The following CLCA2 variants were observed in gnomAD, a reference collection of about 807,000 sequenced individuals.
CLCA2 encodes the protein chloride channel accessory 2.
CLCA2 carries 85 observed loss-of-function variants against 82.9 expected under a neutral mutation model. That is an observed-to-expected ratio of 1.03 (90% CI 0.86 to 1.23). CLCA2 has a LOEUF of 1.23. CLCA2 is among the 50% of genes most tolerant of loss of function. The pLI is 0.00. For synonymous variants in CLCA2, 421 were observed against 391.7 expected (o/e 1.07, Z -0.88); for missense variants, 1,089 against 1,124.8 (o/e 0.97, Z 0.45).
intron 10 of CLCA2, among the ~76,000 whole-genome samples, chr1:86,445,687 A>T (rs1662838972): frequency 6.7e-6 from 1 of 149,500 alleles, no homozygotes; most frequent in African/African-American, 2.5e-5. Context: ...TTGGACTTGG[A>T]TCGTCTTTGT....
At chr1:86,431,031 T>G (rs1662488709) in intron 4 of CLCA2, 61 bp downstream of exon 4, 2 of 1,177,446 alleles carry the variant, frequency 1.7e-6, no homozygotes, top group Non-Finnish European at 2.5e-6. Flanking sequence ...TGCTTATAAC[T>G]TAAGCAATTA....
At chr1:86,425,700 C>T (rs1408335220) in intron 2 of CLCA2, among the ~76,000 whole-genome samples, 1 of 152,132 alleles carries the variant, frequency 6.6e-6, no homozygotes, top group Non-Finnish European at 1.5e-5. Flanking sequence ...AGTAGTTTCT[C>T]AGAAGATCTC....
rs1020099595 is a variant in CLCA2 at position 86,443,732 on chromosome 1, G to T, written c.1489-55G>T. 8 of 1,277,618 alleles carry T rather than the reference G, an allele frequency of 6.3e-6. No homozygotes were observed. In the Admixed American group the frequency reaches 9.3e-5, roughly 15 times the overall value. The allele number at this position is 1,277,618 out of a possible 1,614,324, so 79.1% of individuals were successfully genotyped here. On this transcript the variant is annotated intron_variant, in intron 9 of 13. Coordinates refer to ENST00000370565, the MANE Select transcript of CLCA2 (RefSeq NM_006536.7). ...ATTGTTGTTTGTTAAAAAAGAAAAA[G>T]ATGGAATGATTATGCATACACCAGA...
Position 86,438,999 on chromosome 1 carries a change from C to T in CLCA2, c.1096C>T (p.Gln366Ter), listed in dbSNP as rs765472838. 6.2e-7 allele frequency: 1 copy of T among 1,614,110 alleles called. No individual in the cohort carries two copies. Among genetic ancestry groups the T allele is most frequent in the Non-Finnish European group, 8.5e-7 (1 of 1,179,998 alleles). The change falls in exon 7 of 14, where the codon CAA (glutamine) becomes TAA (stop). Residue 366 changes from glutamine (Q) to a stop codon, truncating the protein, a stop_gained. Transcript: ENST00000370565. LOFTEE classifies it high-confidence loss of function. ...AGGAGAGATCAGAGCCCAGCTACACCAAATTAACAGCAATGATGATCGAAA... is the reference window on the plus strand; with the variant it reads ...AGGAGAGATCAGAGCCCAGCTACACTAAATTAACAGCAATGATGATCGAAA... ...SKGEIRAQLH[Q>*]INSNDDRKLL...
Position 86,429,629 on chromosome 1 carries a change from G to A in CLCA2, c.475+1061G>A, listed in dbSNP as rs559422992. Among the ~76,000 whole-genome samples, 42 of 152,270 alleles carry A rather than the reference G, an allele frequency of 2.8e-4. 1 individual carries two copies. The South Asian group carries it at 8.7e-3, about 32-fold the overall frequency. On this transcript the variant is annotated intron_variant, in intron 3 of 13. Coordinates refer to ENST00000370565, the MANE Select transcript of CLCA2 (RefSeq NM_006536.7). ...GGTATTTAGTGAGTGAGATCTGAGG[G>A]AGAAAATAGTAAGCACAGTTCGCCA... is the stretch of plus-strand genomic sequence containing the variant.
chr1:86,447,761 T>A lies in CLCA2; in HGVS notation c.1967T>A (p.Leu656His). The A allele has an allele frequency of 6.2e-7, 1 of 1,612,944 alleles. No individual in the cohort carries two copies. The highest frequency in any genetic ancestry group is 8.5e-7 in the Non-Finnish European group (1 of 1,179,916). The change falls in exon 11 of 14, where the codon CTC becomes CAC. Residue 656 changes from leucine to histidine, a missense_variant. Physicochemically the swap from Leu to His is moderately conservative, Grantham distance 99. Coordinates refer to ENST00000370565, the MANE Select transcript of CLCA2 (RefSeq NM_006536.7). The part of the protein sequence containing the change: ...PETGDPVTLR[L>H]LDDGAGADVI... Reference sequence around the variant, plus strand: ...ACTGGAGATCCTGTTACGCTGAGACTCCTTGATGATGGAGCAGGTAACAAG... The same window carrying A: ...ACTGGAGATCCTGTTACGCTGAGACACCTTGATGATGGAGCAGGTAACAAG...
intron 5 of CLCA2, among the ~76,000 whole-genome samples, chr1:86,432,825 T>C (rs55857117): frequency 0.044 from 6,738 of 152,272 alleles, 206 homozygotes; most frequent in East Asian, 0.1. Context: ...AGAAATTACA[T>C]TGGGTTAATG....
intron 3 of CLCA2, 140 bp downstream of exon 3, chr1:86,428,708 C>A: frequency 1.1e-6 from 1 of 888,410 alleles, no homozygotes; most frequent in Non-Finnish European, 1.7e-6. Context: ...GTCATATGCC[C>A]ATGCAAAGAT....
At chr1:86,429,830 C>T (rs1430124903) in intron 3 of CLCA2, among the ~76,000 whole-genome samples, 4 of 152,116 alleles carry the variant, frequency 2.6e-5, no homozygotes, top group Non-Finnish European at 4.4e-5. Flanking sequence ...GTGAAACACT[C>T]CATAAAATAC....
At chr1:86,439,496 G>T (rs1356086155) in intron 7 of CLCA2, among the ~76,000 whole-genome samples, 1 of 152,112 alleles carries the variant, frequency 6.6e-6, no homozygotes, top group Admixed American at 6.5e-5. Flanking sequence ...AGTCATTCTA[G>T]ACTTCACGCA....
intron 5 of CLCA2, among the ~76,000 whole-genome samples, chr1:86,434,305 A>G (rs1309056552): frequency 2.0e-5 from 3 of 152,224 alleles, no homozygotes; most frequent in Non-Finnish European, 4.4e-5. Flanking sequence ...GATTGCTCTC[A>G]GAACCACAAA....
At chr1:86,448,014 G>C in intron 11 of CLCA2, 2 of 525,510 alleles carry the variant, frequency 3.8e-6, no homozygotes, top group South Asian at 4.8e-5. Flanking sequence ...AAGGGTGGGA[G>C]GCAGCCGCTG....
At chr1:86,432,295 A>C (rs923880432) in intron 4 of CLCA2, 74 bp from the exon 5 acceptor site, 1 of 1,533,652 alleles carries the variant, frequency 6.5e-7, no homozygotes, top group African/African-American at 1.4e-5. Flanking sequence ...TGTAATAATT[A>C]TATAAGCTAG....
intron 3 of CLCA2, among the ~76,000 whole-genome samples, chr1:86,430,564 G>C (rs182415261): frequency 6.6e-6 from 1 of 152,260 alleles, no homozygotes; most frequent in Admixed American, 6.5e-5. Context: ...CAGCTTCACT[G>C]GGGAGATGAG....
At chr1:86,424,480 C>T in intron 1 of CLCA2, 47 bp downstream of exon 1, 1 of 1,498,548 alleles carries the variant, frequency 6.7e-7, no homozygotes, top group Non-Finnish European at 9.0e-7. Flanking sequence ...TTTGATCAGA[C>T]CTGTAGCCTT....
intron 3 of CLCA2, among the ~76,000 whole-genome samples, chr1:86,429,027 A>G (rs541794919): frequency 1.7e-4 from 26 of 152,282 alleles, no homozygotes; most frequent in Admixed American, 1.4e-3. Context: ...CATGAGGGCC[A>G]GGTGATGCAC....
At chr1:86,436,988 AC>A in intron 6 of CLCA2, among the ~76,000 whole-genome samples, 1 of 152,358 alleles carries the variant, frequency 6.6e-6, no homozygotes. Context: ...TGCTGGGATT[AC>A]AGGCATGAGC....
In CLCA2 at chr1:86,447,488, C is replaced by T; in HGVS notation, c.1714-20C>T. ...GATTTTTTTTTCACACTTTCCAAAA[C>T]AATAAGACTTGTTTTACAGCCTGGG... On this transcript the variant is annotated intron_variant, in intron 10 of 13. Transcript: ENST00000370565. The T allele has an allele frequency of 6.2e-7, 1 of 1,603,448 alleles. No individual in the cohort carries two copies. Among genetic ancestry groups the T allele is most frequent in the African/African-American group, 1.3e-5 (1 of 74,682 alleles).
chr1:86,430,112 A>G (rs1662464775), intron 3 of CLCA2, among the ~76,000 whole-genome samples: 1 of 151,984 alleles, frequency 6.6e-6, no homozygotes, highest in South Asian at 2.1e-4. Context: ...TTCAGAAAAA[A>G]GAAATGTGTG....
Sources: gnomAD v4.1 joint callset for allele counts (sites outside exome capture counted in the v4.1 genomes callset) on GRCh38, gnomAD v4.1.1 for gene constraint, MANE v1.5 for transcripts, NCBI Gene and HGNC (gene_info 2026-07-23, HGNC 2026-07-21) for gene names.